Variants in GRID2 observed in about 807,000 individuals in gnomAD.
GRID2 encodes the protein glutamate ionotropic receptor delta type subunit 2.
In GRID2, 33 loss-of-function variants were observed where a neutral mutation model predicts 114.8. That is an observed-to-expected ratio of 0.29 (90% CI 0.22 to 0.38). GRID2 has a LOEUF of 0.38. Ranked by LOEUF, GRID2 falls within the 10% of genes least tolerant of loss-of-function variation. The pLI is 1.00. For synonymous variants in GRID2, 505 were observed against 449.9 expected (o/e 1.12, Z -1.55); for missense variants, 1,184 against 1,257.7 (o/e 0.94, Z 0.89).
At chr4:93,386,056 A>G (rs10034637) in intron 8 of GRID2, among the ~76,000 whole-genome samples, 27,771 of 152,076 alleles carry the variant, frequency 0.18, 4,679 homozygotes, top group African/African-American at 0.45. Context: ...TAAAAAAAAA[A>G]TGTGTTTTCT....
At chr4:93,784,086 A>AAAAAACAAAAC (rs1734541476) in intron 1 of GRID2, among the ~76,000 whole-genome samples, 2 of 149,858 alleles carry the variant, frequency 1.3e-5, no homozygotes, top group African/African-American at 4.9e-5. Flanking sequence ...AAAAAAAAAA[A>AAAAAACAAAAC]AAAAAAAAAA....
chr4:93,291,026 C>T (rs1178811166), intron 8 of GRID2, among the ~76,000 whole-genome samples: 1 of 151,724 alleles, frequency 6.6e-6, no homozygotes, highest in Non-Finnish European at 1.5e-5. Context: ...TACAGGCGCC[C>T]ACCACCAAGC....
At chr4:93,287,787 A>G (rs1428791315) in intron 8 of GRID2, among the ~76,000 whole-genome samples, 1 of 152,178 alleles carries the variant, frequency 6.6e-6, no homozygotes, top group Admixed American at 6.5e-5. Context: ...TTCACTTGAT[A>G]ATTGTTCTGA....
chr4:92,539,973 A>G (rs4263360), intron 1 of GRID2, among the ~76,000 whole-genome samples: 67,141 of 151,788 alleles, frequency 0.44, 14,966 homozygotes, highest in Middle Eastern at 0.56. Flanking sequence ...ACAGAACAGA[A>G]CCCTCAGAAA....
intron 2 of GRID2, among the ~76,000 whole-genome samples, chr4:92,944,172 C>T (rs1751414005): frequency 6.6e-6 from 1 of 152,190 alleles, no homozygotes; most frequent in Admixed American, 6.5e-5. Context: ...TATGCCCTGC[C>T]CCCAGATGTG....
intron 8 of GRID2, among the ~76,000 whole-genome samples, chr4:93,378,899 A>G (rs907652627): frequency 1.3e-5 from 2 of 152,232 alleles, no homozygotes; most frequent in Middle Eastern, 3.4e-3. Flanking sequence ...GTTGGATAGA[A>G]CATCCCTGTA....
At chr4:92,597,785 C>T (rs1729023236) in intron 2 of GRID2, among the ~76,000 whole-genome samples, 1 of 152,164 alleles carries the variant, frequency 6.6e-6, no homozygotes, top group African/African-American at 2.4e-5. Context: ...CTTAAATTAA[C>T]TCTGAATATC....
chr4:93,732,616 G>A (rs751222139), intron 14 of GRID2, among the ~76,000 whole-genome samples: 1 of 151,894 alleles, frequency 6.6e-6, no homozygotes, highest in African/African-American at 2.4e-5. Context: ...TCTTTGTGTG[G>A]TTAAAATGGC....
intron 1 of GRID2, among the ~76,000 whole-genome samples, chr4:92,341,472 C>T (rs1176650601): frequency 2.0e-5 from 3 of 152,046 alleles, no homozygotes; most frequent in Admixed American, 6.6e-5. Context: ...TCTAGAGCTG[C>T]TTCTACCCCC....
intron 2 of GRID2, among the ~76,000 whole-genome samples, chr4:92,773,415 G>A (rs1184696540): frequency 6.6e-6 from 1 of 152,032 alleles, no homozygotes; most frequent in Non-Finnish European, 1.5e-5. Flanking sequence ...GCTCATAATA[G>A]AGTAACTGTA....
intron 9 of GRID2, among the ~76,000 whole-genome samples, chr4:93,400,976 A>G (rs1765824781): frequency 6.6e-6 from 1 of 151,960 alleles, no homozygotes; most frequent in South Asian, 2.1e-4. Flanking sequence ...AGCTGGGACT[A>G]CAGGTGCATG....
At chr4:93,018,555 G>C (rs939478960) in intron 2 of GRID2, among the ~76,000 whole-genome samples, 7 of 152,084 alleles carry the variant, frequency 4.6e-5, no homozygotes, top group African/African-American at 1.7e-4. Context: ...TCCATTTTAA[G>C]AGCAATTTAT....
chr4:93,719,964 T>C (rs1729213321), intron 14 of GRID2, among the ~76,000 whole-genome samples: 1 of 152,206 alleles, frequency 6.6e-6, no homozygotes, highest in Admixed American at 6.6e-5. Flanking sequence ...GTCTCTATTC[T>C]TAAACTATAT....
Position 92,834,177 on chromosome 4 carries a change from T to C in GRID2, c.244+243891T>C, listed in dbSNP as rs142310832. On this transcript the variant is annotated intron_variant, in intron 2 of 15. Transcript: ENST00000282020. ...TTGCAATGTAAGAAACAAATGCTAG[T>C]ACTGTGTCAAAAGCTATTGCCATTC... 8.0e-3 allele frequency among the ~76,000 whole-genome samples: 1,224 copies of C among 152,314 alleles called. 7 individuals are homozygous for C. Among genetic ancestry groups the C allele is most frequent in the Middle Eastern group, 0.017 (5 of 294 alleles).
intron 14 of GRID2, among the ~76,000 whole-genome samples, chr4:93,709,420 G>T (rs1170453771): frequency 2.6e-5 from 4 of 152,032 alleles, no homozygotes; most frequent in African/African-American, 9.7e-5. Flanking sequence ...CTCTCTCTTG[G>T]CTTGTAAGTT....
chr4:92,432,981 G>C (rs114920118), intron 1 of GRID2, among the ~76,000 whole-genome samples: 1 of 152,064 alleles, frequency 6.6e-6, no homozygotes, highest in African/African-American at 2.4e-5. Context: ...TTCCAAAAAC[G>C]GTCCTTCCCT....
chr4:92,671,165 G>A (rs1297800723), intron 2 of GRID2, among the ~76,000 whole-genome samples: 1 of 152,028 alleles, frequency 6.6e-6, no homozygotes, highest in Non-Finnish European at 1.5e-5. Context: ...GAAGGTGAAA[G>A]GGAAGCAAAC....
intron 4 of GRID2, among the ~76,000 whole-genome samples, chr4:93,167,711 T>C (rs1738388377): frequency 6.6e-6 from 1 of 151,832 alleles, no homozygotes; most frequent in Non-Finnish European, 1.5e-5. Context: ...TTAATTTATA[T>C]ATGAGTTATT....
chr4:92,429,916 T>C (rs140221110), intron 1 of GRID2, among the ~76,000 whole-genome samples: 2,470 of 152,320 alleles, frequency 0.016, 37 homozygotes, highest in Non-Finnish European at 0.022. Context: ...GAGAAATGTC[T>C]ATTCAGATCT....
Sources: allele counts gnomAD v4.1 joint callset (sites outside exome capture counted in the v4.1 genomes callset), GRCh38; gene constraint gnomAD v4.1.1; transcripts MANE v1.5; gene names NCBI Gene and HGNC (gene_info 2026-07-23, HGNC 2026-07-21).